Variants in TMEM267 observed in about 807,000 individuals in gnomAD.
TMEM267 encodes transmembrane protein C5orf28.
TMEM267 carries 20 observed loss-of-function variants against 19.3 expected under a neutral mutation model. The observed-to-expected ratio is 1.04, with a 90% CI of 0.73 to 1.51. The LOEUF (loss-of-function observed/expected upper bound fraction) is 1.51, where lower values mean the gene tolerates loss of function less well. Ranked by LOEUF, TMEM267 falls within the 40% of genes most tolerant of loss-of-function variation. The pLI is 0.00. For missense variants in TMEM267, 242 were observed against 261.9 expected (o/e 0.92, Z 0.52); for synonymous variants, 88 against 90.3 (o/e 0.97, Z 0.15).
Position 43,453,943 on chromosome 5 carries a change from A to G in TMEM267, c.27T>C (p.His9=), listed in dbSNP as rs1742775524. The part of the protein sequence containing the change: MASETEKT[H]ALLQTCSTES... ...CAGTGCTACAAGTCTGCAGTAAAGC[A>G]TGGGTCTTTTCAGTCTCGGATGCCA... The change falls in exon 2 of 3, where the codon CAT becomes CAC. Residue 9 remains histidine (H), a synonymous_variant. Transcript: ENST00000397080. 6.2e-7 allele frequency: 1 copy of G among 1,614,022 alleles called. No individual in the cohort carries two copies. Among genetic ancestry groups the G allele is most frequent in the Non-Finnish European group, 8.5e-7 (1 of 1,179,934 alleles).
intron 1 of TMEM267, among the ~76,000 whole-genome samples, chr5:43,460,659 TGAGG>T (rs2112092929): frequency 6.6e-6 from 1 of 152,178 alleles, no homozygotes; most frequent in South Asian, 2.1e-4. Context: ...CTCTGGGCAC[TGAGG>T]GAGGGAGAAC....
intron 1 of TMEM267, among the ~76,000 whole-genome samples, chr5:43,475,197 A>C (rs1355516368): frequency 6.6e-6 from 1 of 152,228 alleles, no homozygotes; most frequent in African/African-American, 2.4e-5. Context: ...CAACCATAAA[A>C]AAGAATGAAC....
intron 1 of TMEM267, among the ~76,000 whole-genome samples, chr5:43,455,448 A>T (rs1742889920): frequency 1.3e-5 from 2 of 152,092 alleles, no homozygotes; most frequent in Admixed American, 1.3e-4. Context: ...AGTAATCAAA[A>T]CAGTGTAGTA....
At chr5:43,454,129 A>G (rs1276094034) in intron 1 of TMEM267, 86 bp from the exon 2 acceptor site, 1 of 968,326 alleles carries the variant, frequency 1.0e-6, no homozygotes, top group Non-Finnish European at 1.4e-6. Flanking sequence ...CAATAATTTC[A>G]CAAACATAAA....
In TMEM267 at chr5:43,444,463, C is replaced by T. The variant is rs34973456; in HGVS notation, c.*1759G>A. On this transcript the variant is annotated 3_prime_UTR_variant, in exon 3 of 3. Coordinates refer to ENST00000397080, the MANE Select transcript of TMEM267 (RefSeq NM_022483.5). The stretch of plus-strand genomic sequence containing the variant: ...TTAATTTTTGTATTTTTAGTAGAGA[C>T]GGGGTTTCACCATGTTGGCCAGGCT... The T allele has an allele frequency of 0.014, 2,100 of 152,074 alleles. 53 individuals are homozygous for T. The highest frequency in any genetic ancestry group is 0.13 in the East Asian group (650 of 5,142). 9.4% of individuals were successfully genotyped at this position (152,074 alleles called of 1,614,324 possible).
intron 1 of TMEM267, among the ~76,000 whole-genome samples, chr5:43,464,068 C>T (rs1374489117): frequency 2.6e-5 from 4 of 152,162 alleles, no homozygotes; most frequent in South Asian, 2.1e-4. Context: ...ATTGTCTCAG[C>T]CCAAAATCTC....
chr5:43,464,493 AC>A (rs1743499784), intron 1 of TMEM267, among the ~76,000 whole-genome samples: 1 of 152,136 alleles, frequency 6.6e-6, no homozygotes, highest in Admixed American at 6.6e-5. Flanking sequence ...AGCCCGCATT[AC>A]CAAGTCAATC....
chr5:43,450,464 C>A (rs947583904), intron 2 of TMEM267, among the ~76,000 whole-genome samples: 1 of 152,104 alleles, frequency 6.6e-6, no homozygotes, highest in African/African-American at 2.4e-5. Context: ...ATACTTAATT[C>A]AAAAATAATG....
intron 1 of TMEM267, among the ~76,000 whole-genome samples, chr5:43,461,841 C>T (rs529651950): frequency 6.6e-6 from 1 of 152,112 alleles, no homozygotes; most frequent in Non-Finnish European, 1.5e-5. Flanking sequence ...ACCTCTAGAC[C>T]CACCCAGGGC....
chr5:43,476,065 T>C (rs1038036731), intron 1 of TMEM267: 4 of 152,178 alleles, frequency 2.6e-5, no homozygotes, highest in African/African-American at 9.7e-5. Context: ...TGAAGGTCAA[T>C]GGAGAGCACA....
At chr5:43,482,499 G>A (rs1744847740) in intron 1 of TMEM267, among the ~76,000 whole-genome samples, 1 of 151,974 alleles carries the variant, frequency 6.6e-6, no homozygotes, top group Non-Finnish European at 1.5e-5. Flanking sequence ...ATTCACTTTT[G>A]TTGATAAGGT....
intron 2 of TMEM267, among the ~76,000 whole-genome samples, chr5:43,448,331 C>T (rs1742376506): frequency 6.6e-6 from 1 of 152,144 alleles, no homozygotes; most frequent in Non-Finnish European, 1.5e-5. Flanking sequence ...AATTCTATAT[C>T]CACAATATGT....
In TMEM267 at chr5:43,470,081, A is replaced by C. The variant is rs1286093661; in HGVS notation, c.-75+13741T>G. Among the ~76,000 whole-genome samples the C allele has an allele frequency of 3.9e-5, 6 of 152,180 alleles. No individual in the cohort carries two copies. In the East Asian group the frequency reaches 1.2e-3, roughly 29 times the overall value. ...ACCTTTTTTCTCTTATCTACCTATG[A>C]CCTGGAAGTCTTCCCTTTGAGTTGT... is the stretch of plus-strand genomic sequence containing the variant. On this transcript the variant is annotated intron_variant, in intron 1 of 2. Coordinates refer to ENST00000397080, the MANE Select transcript of TMEM267 (RefSeq NM_022483.5).
At chr5:43,462,919 G>A (rs531168666) in intron 1 of TMEM267, among the ~76,000 whole-genome samples, 1 of 152,098 alleles carries the variant, frequency 6.6e-6, no homozygotes, top group African/African-American at 2.4e-5. Context: ...GCTAGCAGAA[G>A]GCAAGAAATA....
chr5:43,455,599 G>A (rs940127793), intron 1 of TMEM267, among the ~76,000 whole-genome samples: 10 of 152,088 alleles, frequency 6.6e-5, no homozygotes, highest in African/African-American at 1.9e-4. Context: ...CCAGGCTGGA[G>A]TGCAGTGGTG....
In TMEM267 at chr5:43,483,851, A is replaced by AGCTCGAGCAGCG. The variant is rs1336586581; in HGVS notation, c.-116_-105dup. 6.6e-6 allele frequency: 1 copy of AGCTCGAGCAGCG among 152,254 alleles called. No individual in the cohort carries two copies. Among genetic ancestry groups the AGCTCGAGCAGCG allele is most frequent in the African/African-American group, 2.4e-5 (1 of 41,456 alleles). The allele number at this position is 152,254 out of a possible 1,614,324, so 9.4% of individuals were successfully genotyped here. A position where few individuals can be genotyped will look rare whatever the true frequency, so the allele number is the denominator to read the frequency against. ...GCTTCTCTGAGTTCAATCCAGCAGC[A>AGCTCGAGCAGCG]GCTCGAGCAGCGGCTCCGCCCCTCG... On this transcript the variant is annotated 5_prime_UTR_variant, in exon 1 of 3. Coordinates refer to ENST00000397080, the MANE Select transcript of TMEM267 (RefSeq NM_022483.5).
chr5:43,462,780 C>T (rs1339857141), intron 1 of TMEM267, among the ~76,000 whole-genome samples: 2 of 152,062 alleles, frequency 1.3e-5, no homozygotes, highest in East Asian at 1.9e-4. Flanking sequence ...AGCACACATA[C>T]AGGATCTAAA....
rs544673617 is a variant in TMEM267, at chr5:43,464,426, G to GACTT, written c.-74-10387_-74-10384dup. 3.6e-3 allele frequency among the ~76,000 whole-genome samples: 549 copies of GACTT among 152,294 alleles called. 3 individuals carry two copies. The highest frequency in any genetic ancestry group is 0.013 in the African/African-American group (538 of 41,546). Reference sequence around the variant, plus strand: ...ATGCCATCCCTATCAAGTTACCAATGACTTTCTTCACAGAATTGGAAAAAA... The same window carrying GACTT: ...ATGCCATCCCTATCAAGTTACCAATGACTTACTTTCTTCACAGAATTGGAAAAAA... On this transcript the variant is annotated intron_variant, in intron 1 of 2. Transcript: ENST00000397080.
chr5:43,477,197 C>CAAA (rs1744479436), intron 1 of TMEM267, among the ~76,000 whole-genome samples: 1 of 151,984 alleles, frequency 6.6e-6, no homozygotes, highest in Middle Eastern at 3.4e-3. Context: ...GTCTGAAAAA[C>CAAA]AACAACAACA....
Sources: gnomAD v4.1 joint callset for allele counts (sites outside exome capture counted in the v4.1 genomes callset) on GRCh38, gnomAD v4.1.1 for gene constraint, MANE v1.5 for transcripts, NCBI Gene and HGNC (gene_info 2026-07-23, HGNC 2026-07-21) for gene names.